Variants in EFCAB6 observed in about 807,000 individuals in gnomAD.
EFCAB6 encodes EF-hand calcium binding domain 6.
EFCAB6 carries 156 observed loss-of-function variants against 169.8 expected under a neutral mutation model. That is an observed-to-expected ratio of 0.92 (90% CI 0.81 to 1.05). EFCAB6 has a LOEUF of 1.05. Ranked by LOEUF, EFCAB6 falls within the 50% of genes least tolerant of loss-of-function variation. The pLI is 0.00. For missense variants in EFCAB6, 1,800 were observed against 1,829.1 expected, an observed-to-expected ratio of 0.98 and a Z score of 0.29; for synonymous variants, 698 against 676.4, an observed-to-expected ratio of 1.03 and a Z score of -0.50.
In EFCAB6 at chr22:43,599,509, CAAAAAAAAAAAAAAAAAAAAAAAAAAAA is replaced by C. The variant is rs58130994; in HGVS notation, c.2876+532_2876+559del. Among the ~76,000 whole-genome samples the C allele has an allele frequency of 8.8e-4, 39 of 44,244 alleles. 2 individuals are homozygous for C. In the South Asian group the frequency reaches 0.058, roughly 66 times the overall value. 29.0% of individuals were successfully genotyped at this position (44,244 alleles called of 152,430 possible). A position where few individuals can be genotyped will look rare whatever the true frequency, so the allele number is the denominator to read the frequency against. On this transcript the variant is annotated intron_variant, in intron 23 of 31. Coordinates refer to ENST00000262726, the MANE Select transcript of EFCAB6 (RefSeq NM_022785.4). ...TGGGAGACAGAGTGAGATTCCATCT[CAAAAAAAAAAAAAAAAAAAAAAAAAAAA>C]AAAAAAAAAAAAGACACACTGCAGG... is the stretch of plus-strand genomic sequence containing the variant.
At chr22:43,702,334 A>G (rs190415610) in intron 10 of EFCAB6, among the ~76,000 whole-genome samples, 1 of 152,266 alleles carries the variant, frequency 6.6e-6, no homozygotes, top group East Asian at 1.9e-4. Context: ...CCCTCACAGA[A>G]AGTTCAACTA....
intron 10 of EFCAB6, among the ~76,000 whole-genome samples, chr22:43,708,265 G>A (rs1603257456): frequency 1.3e-5 from 2 of 152,154 alleles, no homozygotes; most frequent in South Asian, 4.2e-4. Context: ...AATTAGCTGG[G>A]CATGGTGGCG....
At chr22:43,806,618 C>T (rs1226590977) in intron 2 of EFCAB6, among the ~76,000 whole-genome samples, 1 of 152,126 alleles carries the variant, frequency 6.6e-6, no homozygotes, top group Non-Finnish European at 1.5e-5. Context: ...GGTGATCCTT[C>T]CAGACGCCAT....
Position 43,628,865 on chromosome 22 carries a change from A to C in EFCAB6, c.2233-2186T>G, listed in dbSNP as rs1415586297. Among the ~76,000 whole-genome samples, 1 of 152,018 alleles carries C rather than the reference A, an allele frequency of 6.6e-6. No individual in the cohort carries two copies. The highest frequency in any genetic ancestry group is 2.4e-5 in the African/African-American group (1 of 41,398). The stretch of plus-strand genomic sequence containing the variant: ...CTGTGTCCACTGCACTTCCCCCTAG[A>C]ACATAAGCATGAGTCTGGGCTCTGA... On this transcript the variant is annotated intron_variant, in intron 19 of 31. Transcript: ENST00000262726. The surrounding 1 kb of genome is among the most constrained non-coding windows in gnomAD (Gnocchi z 4.8).
chr22:43,575,687 G>GA (rs199616366), intron 26 of EFCAB6, among the ~76,000 whole-genome samples: 77 of 149,548 alleles, frequency 5.1e-4, no homozygotes, highest in East Asian at 2.0e-3. Flanking sequence ...TGGCAAAGAT[G>GA]AAAAAAAAAA....
rs756484161 is a variant in EFCAB6 at position 43,668,933 on chromosome 22, C to T, written c.1753G>A (p.Asp585Asn). The T allele has an allele frequency of 1.2e-5, 19 of 1,612,462 alleles. No individual in the cohort carries two copies. Among genetic ancestry groups the T allele is most frequent in the Admixed American group, 5.0e-5 (3 of 59,786 alleles). The change falls in exon 16 of 32, where the codon GAT becomes AAT. Residue 585 changes from aspartate to asparagine, a missense_variant. Asp to Asn is a conservative substitution (Grantham distance 23). Transcript: ENST00000262726. ...PTVSPVLVPK[D>N]QLLSEHLQKD... Reference sequence around the variant, plus strand: ...TGTAAATGTTCACTTAACAGCTGATCCTTTGGAACAAGAACTGGAGAGACA... The same window carrying T: ...TGTAAATGTTCACTTAACAGCTGATTCTTTGGAACAAGAACTGGAGAGACA...
chr22:43,562,244 A>C (rs892039871), intron 26 of EFCAB6, among the ~76,000 whole-genome samples: 1 of 152,234 alleles, frequency 6.6e-6, no homozygotes, highest in Non-Finnish European at 1.5e-5. Flanking sequence ...TACCAGAAGG[A>C]AAATTCTTGG....
At chr22:43,711,377 A>G in intron 10 of EFCAB6, 98 bp downstream of exon 10, 5 of 1,273,940 alleles carry the variant, frequency 3.9e-6, no homozygotes, top group Non-Finnish European at 5.2e-6. Context: ...TCAGTAATAA[A>G]AAGTCTAAAA....
At chr22:43,589,320 A>AAAAAAAAAAAAAAAAAAG (rs1569207678) in intron 24 of EFCAB6, among the ~76,000 whole-genome samples, 2 of 59,772 alleles carry the variant, frequency 3.3e-5, no homozygotes, top group Admixed American at 2.7e-4. Context: ...AAAAAAAAAA[A>AAAAAAAAAAAAAAAAAAG]AGAAGTACAG....
At chr22:43,595,976 A>T (rs1435879265) in intron 23 of EFCAB6, among the ~76,000 whole-genome samples, 1 of 152,234 alleles carries the variant, frequency 6.6e-6, no homozygotes, top group East Asian at 1.9e-4. Context: ...ACATCACATC[A>T]ACAGAATAAA....
intron 8 of EFCAB6, among the ~76,000 whole-genome samples, chr22:43,727,902 T>G (rs1193322034): frequency 1.3e-5 from 2 of 152,078 alleles, no homozygotes; most frequent in African/African-American, 4.8e-5. Context: ...TTTTTTTTTC[T>G]TTTTAAATTA....
chr22:43,639,005 G>T (rs774454900), intron 17 of EFCAB6, among the ~76,000 whole-genome samples: 5 of 150,870 alleles, frequency 3.3e-5, no homozygotes, highest in African/African-American at 1.2e-4. Context: ...GGCTGGTCTC[G>T]AACTCCTGAC....
chr22:43,668,124 G>C (rs2057343082), intron 16 of EFCAB6, among the ~76,000 whole-genome samples: 1 of 152,168 alleles, frequency 6.6e-6, no homozygotes, highest in Non-Finnish European at 1.5e-5. Context: ...TTATAAAGCT[G>C]CTACTACTGA....
chr22:43,618,161 GGAAGGAAAGAAA>G (rs1427584508), intron 20 of EFCAB6, among the ~76,000 whole-genome samples: 5 of 62,302 alleles, frequency 8.0e-5, no homozygotes, highest in Non-Finnish European at 1.6e-4. Context: ...AAGGAAGGAA[GGAAGGAAAGAAA>G]GAAAGAAAGA....
rs187152042 is a variant in EFCAB6, at chr22:43,698,989, T to C, written c.1032-11408A>G. On this transcript the variant is annotated intron_variant, in intron 10 of 31. Coordinates refer to ENST00000262726, the MANE Select transcript of EFCAB6 (RefSeq NM_022785.4). Reference sequence around the variant, plus strand: ...ATTCTGGGTAGAGGCATAACAGGATTGACATCTCCCTGGAATAATATGGCA... The same window carrying C: ...ATTCTGGGTAGAGGCATAACAGGATCGACATCTCCCTGGAATAATATGGCA... Among the ~76,000 whole-genome samples, 317 of 152,326 alleles carry C rather than the reference T, an allele frequency of 2.1e-3. 1 individual carries two copies. The highest frequency in any genetic ancestry group is 7.4e-3 in the African/African-American group (308 of 41,582).
In EFCAB6 at chr22:43,687,464, T is replaced by TTTTAAAA; in HGVS notation, c.1142+6_1142+7insTTTTAAA. On this transcript the variant is annotated splice_region_variant and intron_variant, in intron 11 of 31. Transcript: ENST00000262726. ...TAAAATTTGTTTTTTTTTTTTTTTT[T>TTTTAAAA]ACATACCTATTTCTTTTTGTCAGGG... 3 of 1,422,210 alleles carry TTTTAAAA rather than the reference T, an allele frequency of 2.1e-6. No individual in the cohort carries two copies. The highest frequency in any genetic ancestry group is 2.9e-6 in the Non-Finnish European group (3 of 1,046,316). 88.1% of individuals were successfully genotyped at this position (1,422,210 alleles called of 1,614,324 possible).
At position 43,601,170 on chromosome 22, in the gene EFCAB6, T is replaced by C. The variant is rs536256519; in HGVS notation, c.2682-907A>G. On this transcript the variant is annotated intron_variant, in intron 22 of 31. Coordinates refer to ENST00000262726, the MANE Select transcript of EFCAB6 (RefSeq NM_022785.4). ...AGAGAGGCCAGTGAGGAAAACAAGA[T>C]AAGAATTATGCTATGTACCTTTTAT... 2.6e-5 allele frequency among the ~76,000 whole-genome samples: 4 copies of C among 152,302 alleles called. No individual in the cohort carries two copies. The East Asian group carries it at 7.7e-4, about 29-fold the overall frequency.
chr22:43,540,601 A>C (rs2047657874), intron 27 of EFCAB6: 2 of 1,433,004 alleles, frequency 1.4e-6, no homozygotes. Context: ...TTTTTAATTG[A>C]ATTGGGCCCT....
intron 22 of EFCAB6, among the ~76,000 whole-genome samples, chr22:43,607,200 T>C (rs1382981512): frequency 4.6e-5 from 7 of 152,300 alleles, no homozygotes; most frequent in Admixed American, 1.3e-4. Flanking sequence ...ATAGAACACC[T>C]GCCTCCCTGC....
Sources: allele counts gnomAD v4.1 joint callset (sites outside exome capture counted in the v4.1 genomes callset), GRCh38; gene constraint gnomAD v4.1.1; non-coding constraint Gnocchi (gnomAD v3.1); transcripts MANE v1.5; gene names NCBI Gene and HGNC (gene_info 2026-07-23, HGNC 2026-07-21).